Variants in MYT1L observed in about 807,000 individuals in gnomAD.
MYT1L encodes the protein myelin transcription factor 1-like protein.
In MYT1L, 12 loss-of-function variants were observed where a neutral mutation model predicts 126.7. That is an observed-to-expected ratio of 0.09 (90% CI 0.06 to 0.15). The LOEUF (loss-of-function observed/expected upper bound fraction) is 0.15. Ranked by LOEUF, MYT1L falls within the 10% of genes least tolerant of loss-of-function variation. MYT1L has a pLI of 1.00. For synonymous variants in MYT1L, 541 were observed against 604.2 expected (o/e 0.90, Z 1.53); for missense variants, 979 against 1,585.2 (o/e 0.62, Z 6.49).
rs564325848 is a variant in MYT1L, at chr2:2,008,318, C to T, written c.-157-10971G>A. Among the ~76,000 whole-genome samples, 202 of 152,346 alleles carry T rather than the reference C, an allele frequency of 1.3e-3. 1 individual carries two copies. The highest frequency in any genetic ancestry group is 1.4e-3 in the Non-Finnish European group (98 of 68,044). ...CATCTGCCACGGGCGTGGCCAGCCT[C>T]GCATTAATTAAACTCTTGGTTTACT... On this transcript the variant is annotated intron_variant, in intron 4 of 24. Transcript: ENST00000647738.
intron 3 of MYT1L, among the ~76,000 whole-genome samples, chr2:2,114,679 T>C (rs139690642): frequency 3.9e-4 from 59 of 152,304 alleles, no homozygotes; most frequent in African/African-American, 1.3e-3. Context: ...CCAATAATGA[T>C]TGTCAAACAA....
chr2:1,945,111 A>T (rs986925561), intron 8 of MYT1L, among the ~76,000 whole-genome samples: 1 of 152,172 alleles, frequency 6.6e-6, no homozygotes, highest in Non-Finnish European at 1.5e-5. Context: ...CAAAGGCTGG[A>T]GCATAGAGCG....
intron 4 of MYT1L, among the ~76,000 whole-genome samples, chr2:2,048,855 C>A (rs1381257766): frequency 2.6e-5 from 4 of 152,176 alleles, no homozygotes; most frequent in Non-Finnish European, 5.9e-5. Context: ...AATAGGAGGA[C>A]AGGGATCAGT....
At chr2:2,033,512 G>A (rs1251302169) in intron 4 of MYT1L, among the ~76,000 whole-genome samples, 2 of 152,162 alleles carry the variant, frequency 1.3e-5, no homozygotes, top group African/African-American at 4.8e-5. Flanking sequence ...CTGGGGGCAC[G>A]CCAGGTTAGT....
At chr2:2,238,223 G>C (rs1038976198) in intron 2 of MYT1L, among the ~76,000 whole-genome samples, 19 of 152,162 alleles carry the variant, frequency 1.2e-4, no homozygotes, top group Non-Finnish European at 2.2e-4. Context: ...GTCATTATCT[G>C]CTGTTAGGAA....
At chr2:2,038,358 A>G (rs1042438396) in intron 4 of MYT1L, among the ~76,000 whole-genome samples, 1 of 152,110 alleles carries the variant, frequency 6.6e-6, no homozygotes, top group Non-Finnish European at 1.5e-5. Flanking sequence ...TGACCCCATT[A>G]TCTTCTCCCC....
At chr2:1,798,870 A>G (rs1271060498) in intron 23 of MYT1L, among the ~76,000 whole-genome samples, 1 of 152,234 alleles carries the variant, frequency 6.6e-6, no homozygotes, top group African/African-American at 2.4e-5. Flanking sequence ...CACAGGCAGC[A>G]AGGAGGGCTC....
chr2:2,222,765 G>A (rs1323269269), intron 2 of MYT1L, among the ~76,000 whole-genome samples: 1 of 151,920 alleles, frequency 6.6e-6, no homozygotes, highest in Non-Finnish European at 1.5e-5. Flanking sequence ...ATATCTACTT[G>A]TATTTTAAAA....
chr2:2,197,455 A>ATATC (rs920473291), intron 2 of MYT1L, among the ~76,000 whole-genome samples: 11 of 152,198 alleles, frequency 7.2e-5, no homozygotes, highest in Admixed American at 2.0e-4. Flanking sequence ...AAAACATGGT[A>ATATC]TATCTATCTA....
intron 11 of MYT1L, among the ~76,000 whole-genome samples, chr2:1,915,626 G>A (rs1558385908): frequency 6.6e-6 from 1 of 152,224 alleles, no homozygotes; most frequent in Non-Finnish European, 1.5e-5. Context: ...GGAAGATGAA[G>A]TACAGAGAGC....
chr2:1,841,892 A>T (rs2041779883), intron 19 of MYT1L: 1 of 152,126 alleles, frequency 6.6e-6, no homozygotes, highest in African/African-American at 2.4e-5. Flanking sequence ...GGACACGCCT[A>T]TTTTATTTAA....
At chr2:1,971,302 G>A (rs1307455882) in intron 8 of MYT1L, among the ~76,000 whole-genome samples, 1 of 152,216 alleles carries the variant, frequency 6.6e-6, no homozygotes, top group Non-Finnish European at 1.5e-5. Flanking sequence ...ATGCCCAGAG[G>A]TGTGTCTCCT....
intron 1 of MYT1L, among the ~76,000 whole-genome samples, chr2:2,312,280 A>T (rs941490770): frequency 8.5e-5 from 13 of 152,144 alleles, no homozygotes; most frequent in African/African-American, 2.9e-4. Context: ...ACTGAGAAAC[A>T]ATTTATTCTC....
rs1339501422 is a variant in MYT1L, at chr2:1,840,420, T to G, written c.2858+340A>C. Among the ~76,000 whole-genome samples, 4 of 152,278 alleles carry G rather than the reference T, an allele frequency of 2.6e-5. No homozygotes were observed. The East Asian group carries it at 7.7e-4, about 29-fold the overall frequency. On this transcript the variant is annotated intron_variant, in intron 20 of 24. Coordinates refer to ENST00000647738, the MANE Select transcript of MYT1L (RefSeq NM_001303052.2). ...CATCCGCTTGTGATGTTGTATTTAG[T>G]ACCTTCAGGAGCATTCACCAATCTG...
chr2:2,310,807 T>C (rs1259411628), intron 1 of MYT1L, among the ~76,000 whole-genome samples: 2 of 152,178 alleles, frequency 1.3e-5, no homozygotes, highest in African/African-American at 4.8e-5. Flanking sequence ...CACGGGCGGT[T>C]GTGACTCACT....
At chr2:2,314,970 C>CAGAA (rs2096040424) in intron 1 of MYT1L, among the ~76,000 whole-genome samples, 4 of 152,102 alleles carry the variant, frequency 2.6e-5, no homozygotes, top group African/African-American at 9.7e-5. Flanking sequence ...AACTGGCTAG[C>CAGAA]CATATGCAGA....
chr2:2,177,978 T>A (rs558312190), intron 2 of MYT1L, among the ~76,000 whole-genome samples: 40 of 152,108 alleles, frequency 2.6e-4, no homozygotes, highest in Non-Finnish European at 2.9e-5. Flanking sequence ...GAGACAGGAG[T>A]AGGGTTGTGA....
At chr2:2,051,817 T>C (rs1454664057) in intron 4 of MYT1L, among the ~76,000 whole-genome samples, 1 of 152,176 alleles carries the variant, frequency 6.6e-6, no homozygotes, top group South Asian at 2.1e-4. Flanking sequence ...TTAAATTGCA[T>C]ATAGAAATTC....
chr2:2,241,184 C>G (rs566446942), intron 2 of MYT1L, among the ~76,000 whole-genome samples: 1 of 152,046 alleles, frequency 6.6e-6, no homozygotes, highest in African/African-American at 2.4e-5. Flanking sequence ...GTGCTATAAC[C>G]GCACGCTTCC....
Sources: allele counts gnomAD v4.1 joint callset (sites outside exome capture counted in the v4.1 genomes callset), GRCh38; gene constraint gnomAD v4.1.1; transcripts MANE v1.5; gene names NCBI Gene and HGNC (gene_info 2026-07-23, HGNC 2026-07-21).